The following SETD7 variants were observed in gnomAD, a reference collection of about 807,000 sequenced individuals.
SETD7 encodes the protein histone-lysine N-methyltransferase SETD7.
Under a neutral mutation model 41.8 loss-of-function variants are expected in SETD7, and 16 were observed. The observed-to-expected ratio is 0.38, with a 90% CI of 0.26 to 0.58. SETD7 has a LOEUF of 0.58. Among genes scored for constraint, SETD7 ranks in the 20% least tolerant of loss-of-function variants. The probability of loss-of-function intolerance (pLI) is 0.64; values close to 1 mark genes in which losing one functional copy is unlikely to be tolerated. For synonymous variants in SETD7, 163 were observed against 169.7 expected (o/e 0.96, Z 0.31); for missense variants, 346 against 459.7 (o/e 0.75, Z 2.26).
chr4:139,544,164 C>T (rs1579222717), intron 2 of SETD7, among the ~76,000 whole-genome samples: 1 of 151,738 alleles, frequency 6.6e-6, no homozygotes, highest in African/African-American at 2.4e-5. Context: ...TGGTGGCATG[C>T]ACCTGTAGTC....
At chr4:139,519,624 G>A (rs1293684457) in intron 6 of SETD7, among the ~76,000 whole-genome samples, 1 of 152,208 alleles carries the variant, frequency 6.6e-6, no homozygotes, top group Admixed American at 6.5e-5. Flanking sequence ...TAAATGCAAA[G>A]GTGAACATAA....
At chr4:139,547,101 A>G in intron 1 of SETD7, 52 bp from the exon 2 acceptor site, 1 of 1,600,156 alleles carries the variant, frequency 6.2e-7, no homozygotes, top group Non-Finnish European at 8.5e-7. Context: ...TGCTCCTCCC[A>G]TCTGACGTCT....
intron 2 of SETD7, among the ~76,000 whole-genome samples, chr4:139,535,592 G>A (rs1560687410): frequency 6.6e-6 from 1 of 152,196 alleles, no homozygotes; most frequent in Non-Finnish European, 1.5e-5. Flanking sequence ...TCCCCCAACT[G>A]TATTCAGTGG....
At chr4:139,544,638 C>T (rs768173) in intron 2 of SETD7, among the ~76,000 whole-genome samples, 1 of 152,110 alleles carries the variant, frequency 6.6e-6, no homozygotes, top group South Asian at 2.1e-4. Context: ...AGCTCATTCT[C>T]GGCACACTGG....
rs1727142385 is a variant in SETD7, at chr4:139,520,233, C to T, written c.762+44G>A. 7.6e-6 allele frequency: 8 copies of T among 1,055,738 alleles called. No homozygotes were observed. The East Asian group carries it at 1.8e-4, about 24-fold the overall frequency. The allele number at this position is 1,055,738 out of a possible 1,614,324, so 65.4% of individuals were successfully genotyped here. A position where few individuals can be genotyped will look rare whatever the true frequency, so the allele number is the denominator to read the frequency against. On this transcript the variant is annotated intron_variant, in intron 6 of 7. Transcript: ENST00000274031. ...AAAGGGATTTTGTTTGAAGCAAAGC[C>T]CTTTAACCAACAAAGTTGATTTTCC...
chr4:139,537,405 G>A (rs1727668719), intron 2 of SETD7, among the ~76,000 whole-genome samples: 1 of 152,220 alleles, frequency 6.6e-6, no homozygotes, highest in African/African-American at 2.4e-5. Flanking sequence ...TGGATTGAGA[G>A]CTGGGTTTCA....
chr4:139,516,791 A>G (rs1727038524), intron 7 of SETD7, among the ~76,000 whole-genome samples: 1 of 152,200 alleles, frequency 6.6e-6, no homozygotes, highest in Non-Finnish European at 1.5e-5. Flanking sequence ...ACTGAATATC[A>G]CAAATACATA....
At chr4:139,534,428 C>G (rs1318068804) in intron 2 of SETD7, among the ~76,000 whole-genome samples, 1 of 151,926 alleles carries the variant, frequency 6.6e-6, no homozygotes, top group Non-Finnish European at 1.5e-5. Context: ...TGCTCTATTG[C>G]CCAGGCTGGA....
At position 139,509,177 on chromosome 4, in the gene SETD7, C is replaced by T. The variant is rs957414503; in HGVS notation, c.*2486G>A. 13 of 152,780 alleles carry T rather than the reference C, an allele frequency of 8.5e-5. No homozygotes were observed. The highest frequency in any genetic ancestry group is 3.1e-4 in the African/African-American group (13 of 41,406). 9.5% of individuals were successfully genotyped at this position (152,780 alleles called of 1,614,324 possible). On this transcript the variant is annotated 3_prime_UTR_variant, in exon 8 of 8. Coordinates refer to ENST00000274031, the MANE Select transcript of SETD7 (RefSeq NM_030648.4). ...TACCCAGGATGCCCAGGCGTTCTCA[C>T]ATATGCAGAGAGAAGAGGAAAGAGA...
At position 139,544,208 on chromosome 4, in the gene SETD7, C is replaced by T. The variant is rs985944358; in HGVS notation, c.170+2712G>A. ...TCAGGAAGCTGAGGTGGGAGGATCA[C>T]CCGAGTCCAGGGAGGTTGAAGCTGC... On this transcript the variant is annotated intron_variant, in intron 2 of 7. Coordinates refer to ENST00000274031, the MANE Select transcript of SETD7 (RefSeq NM_030648.4). Among the ~76,000 whole-genome samples, 14 of 151,592 alleles carry T rather than the reference C, an allele frequency of 9.2e-5. 1 individual carries two copies. Among genetic ancestry groups the T allele is most frequent in the Non-Finnish European group, 2.1e-4 (14 of 67,952 alleles).
intron 2 of SETD7, among the ~76,000 whole-genome samples, chr4:139,534,531 G>A (rs948415982): frequency 7.9e-5 from 12 of 152,052 alleles, no homozygotes; most frequent in African/African-American, 2.9e-4. Flanking sequence ...TGGGACCACA[G>A]GTATGTGTCA....
At position 139,547,068 on chromosome 4, in the gene SETD7, A is replaced by G; in HGVS notation, c.41-19T>C. 1.2e-6 allele frequency: 2 copies of G among 1,613,448 alleles called. No homozygotes were observed. Among genetic ancestry groups the G allele is most frequent in the Non-Finnish European group, 1.7e-6 (2 of 1,179,720 alleles). ...AGGTGCCCTGGAGAAAGGGAACCAC[A>G]AGGCAAACCTTAACATCTTCAGTGC... On this transcript the variant is annotated intron_variant, in intron 1 of 7. Coordinates refer to ENST00000274031, the MANE Select transcript of SETD7 (RefSeq NM_030648.4).
downstream of SETD7, among the ~76,000 whole-genome samples, chr4:139,493,788 C>T (rs1352536327): frequency 6.6e-6 from 1 of 152,176 alleles, no homozygotes; most frequent in Non-Finnish European, 1.5e-5. Context: ...GATCCACCCA[C>T]CTTGGCCTCC....
chr4:139,525,179 C>T (rs1177292930), intron 4 of SETD7, among the ~76,000 whole-genome samples: 1 of 152,170 alleles, frequency 6.6e-6, no homozygotes, highest in Non-Finnish European at 1.5e-5. Flanking sequence ...TGGAAATTTT[C>T]CTATGAATTC....
At chr4:139,516,078 T>C (rs1010850161) in intron 7 of SETD7, among the ~76,000 whole-genome samples, 2 of 152,128 alleles carry the variant, frequency 1.3e-5, no homozygotes, top group African/African-American at 4.8e-5. Flanking sequence ...GGCTACCATG[T>C]AAAAGAGAGT....
chr4:139,500,361 C>G (rs1242743854), intron 7 of SETD7, among the ~76,000 whole-genome samples: 2 of 152,210 alleles, frequency 1.3e-5, no homozygotes, highest in African/African-American at 4.8e-5. Context: ...AGTACAACAG[C>G]CTGAGTGATC....
intron 2 of SETD7, among the ~76,000 whole-genome samples, chr4:139,543,072 G>C (rs1324804343): frequency 6.6e-6 from 1 of 152,140 alleles, no homozygotes; most frequent in Non-Finnish European, 1.5e-5. Context: ...AGCATAACAG[G>C]TTTCAACAAC....
At chr4:139,503,198 A>AAAG, downstream of SETD7, among the ~76,000 whole-genome samples, 1 of 150,870 alleles carries the variant, frequency 6.6e-6, no homozygotes, top group African/African-American at 2.4e-5. Flanking sequence ...AAAAAAAAAA[A>AAAG]AAGAAGCTGG....
intron 5 of SETD7, among the ~76,000 whole-genome samples, chr4:139,521,401 G>A (rs1727177805): frequency 6.7e-6 from 1 of 149,380 alleles, no homozygotes; most frequent in African/African-American, 2.5e-5. Flanking sequence ...ACTCCAGTCT[G>A]GACGACAAGA....
Sources: gnomAD v4.1 joint callset for allele counts (sites outside exome capture counted in the v4.1 genomes callset) on GRCh38, gnomAD v4.1.1 for gene constraint, MANE v1.5 for transcripts, NCBI Gene and HGNC (gene_info 2026-07-23, HGNC 2026-07-21) for gene names.